Variants in CPOX observed in about 807,000 individuals in gnomAD.
The protein encoded by CPOX is oxygen-dependent coproporphyrinogen-III oxidase, mitochondrial.
In CPOX, 24 loss-of-function variants were observed where a neutral mutation model predicts 48.9. The observed-to-expected ratio is 0.49, with a 90% confidence interval of 0.36 to 0.69. CPOX has a LOEUF of 0.69. Ranked by LOEUF, CPOX falls within the 30% of genes least tolerant of loss-of-function variation. The pLI, the probability that CPOX is intolerant of heterozygous loss-of-function variation, is 0.00. For synonymous variants in CPOX, 249 were observed against 234.6 expected (o/e 1.06, Z -0.56); for missense variants, 549 against 597.3 (o/e 0.92, Z 0.84).
the CPOX span, among the ~76,000 whole-genome samples, chr3:98,574,387 A>G: frequency 6.6e-6 from 1 of 152,148 alleles, no homozygotes; most frequent in East Asian, 1.9e-4. Context: ...GGGAGATACC[A>G]TATCTCCCAC....
chr3:98,588,124 T>A (rs1193103368), intron 4 of CPOX, among the ~76,000 whole-genome samples: 2 of 152,262 alleles, frequency 1.3e-5, no homozygotes, highest in Non-Finnish European at 2.9e-5. Flanking sequence ...TTTTCAAGAA[T>A]GCCAATTGGC....
chr3:98,592,082 C>T (rs1216636098), intron 1 of CPOX, among the ~76,000 whole-genome samples: 1 of 151,696 alleles, frequency 6.6e-6, no homozygotes. Flanking sequence ...AAAAAAGTAA[C>T]TTCTGAGGAT....
chr3:98,591,696 A>G (rs1707481333), intron 1 of CPOX, among the ~76,000 whole-genome samples: 1 of 152,178 alleles, frequency 6.6e-6, no homozygotes, highest in Admixed American at 6.5e-5. Context: ...CAGCCTTACT[A>G]ATTTTTTTTC....
chr3:98,581,310 A>C, intron 6 of CPOX, 97 bp downstream of exon 6: 1 of 893,314 alleles, frequency 1.1e-6, no homozygotes, highest in Non-Finnish European at 1.9e-6. Context: ...ACTAACAAAG[A>C]CCTAGGCACA....
intron 6 of CPOX, 144 bp from the exon 7 acceptor site, chr3:98,580,914 C>A: frequency 1.1e-6 from 1 of 943,298 alleles, no homozygotes; most frequent in South Asian, 1.6e-5. Flanking sequence ...CCTGATGTGC[C>A]TTGTACCAAC....
chr3:98,577,823 C>G (rs1004891263), downstream of CPOX, among the ~76,000 whole-genome samples: 1 of 152,198 alleles, frequency 6.6e-6, no homozygotes, highest in Non-Finnish European at 1.5e-5. Flanking sequence ...TACAGACATG[C>G]AAGTCAAAAA....
rs753030473 is a variant in CPOX at position 98,588,862 on chromosome 3, A to C, written c.812-8T>G. 6.2e-7 allele frequency: 1 copy of C among 1,614,176 alleles called. No homozygotes were observed. Among genetic ancestry groups the C allele is most frequent in the African/African-American group, 1.3e-5 (1 of 75,038 alleles). ...ACCACCACTGCTTGTTGCCTACCAA[A>C]TCAAGACATGGGATTCTAATGTGGA... is the stretch of plus-strand genomic sequence containing the variant. On this transcript the variant is annotated splice_polypyrimidine_tract_variant and splice_region_variant and intron_variant, in intron 3 of 6. Coordinates refer to ENST00000647941, the MANE Select transcript of CPOX (RefSeq NM_000097.7).
chr3:98,583,351 C>T (rs1707296920), intron 5 of CPOX, among the ~76,000 whole-genome samples: 1 of 152,124 alleles, frequency 6.6e-6, no homozygotes, highest in Admixed American at 6.5e-5. Context: ...ATAATTCAGT[C>T]TCTCTGCAGA....
At chr3:98,572,672 T>C in the CPOX span, among the ~76,000 whole-genome samples, 47 of 152,218 alleles carry the variant, frequency 3.1e-4, no homozygotes, top group Non-Finnish European at 5.0e-4. Flanking sequence ...TCCATTTCTT[T>C]AGACAGTGTC....
chr3:98,578,127 T>C, downstream of CPOX: 1 of 362,508 alleles, frequency 2.8e-6, no homozygotes, highest in Non-Finnish European at 3.8e-6. Flanking sequence ...CACTGTGGTC[T>C]TCAGGTAGAC....
At chr3:98,590,456 T>G in intron 3 of CPOX, 176 bp downstream of exon 3, 1 of 666,986 alleles carries the variant, frequency 1.5e-6, no homozygotes. Flanking sequence ...GCCCCATTCT[T>G]ACTTGTCATG....
downstream of CPOX, among the ~76,000 whole-genome samples, chr3:98,576,053 CA>C (rs1339528261): frequency 1.8e-4 from 15 of 83,886 alleles, no homozygotes; most frequent in African/African-American, 7.0e-4. Context: ...GCCTGGGCAA[CA>C]AGAGTGAAAC....
intron 5 of CPOX, among the ~76,000 whole-genome samples, chr3:98,582,542 G>C (rs1398137260): frequency 6.6e-6 from 1 of 151,390 alleles, no homozygotes; most frequent in African/African-American, 2.4e-5. Context: ...GCCCAGGCTG[G>C]AGTGCAGTGG....
chr3:98,591,086 A>G lies in CPOX; in HGVS notation c.626T>C (p.Val209Ala). Reference sequence around the variant, plus strand: ...TTCCTCTGAAAGATTTCCATGAACAACAGAAATGCTCACCCCAGCCTTTTC... The same window carrying G: ...TTCCTCTGAAAGATTTCCATGAACAGCAGAAATGCTCACCCCAGCCTTTTC... ...VFEKAGVSIS[V>A]VHGNLSEEAA... Residue 209 changes from valine to alanine, a missense_variant, in exon 2 of 7, where the codon GTT becomes GCT. This residue lies in a region of CPOX where 336 missense variants were observed against 318.1 expected (regional missense o/e 1.06). Coordinates refer to ENST00000647941, the MANE Select transcript of CPOX (RefSeq NM_000097.7). 6.2e-7 allele frequency: 1 copy of G among 1,614,104 alleles called. No individual in the cohort carries two copies. The highest frequency in any genetic ancestry group is 1.1e-5 in the South Asian group (1 of 91,078).
intron 4 of CPOX, among the ~76,000 whole-genome samples, chr3:98,588,339 A>T (rs1268131438): frequency 6.6e-6 from 1 of 152,182 alleles, no homozygotes; most frequent in Non-Finnish European, 1.5e-5. Context: ...GTGGTTCTCC[A>T]ACCCTTCCAA....
chr3:98,577,983 A>C (rs1173982030), downstream of CPOX, among the ~76,000 whole-genome samples: 1 of 152,228 alleles, frequency 6.6e-6, no homozygotes, highest in Non-Finnish European at 1.5e-5. Context: ...GAGGGTCAGC[A>C]GAGTACAGTG....
chr3:98,588,278 A>G (rs1559677482), intron 4 of CPOX, among the ~76,000 whole-genome samples: 1 of 152,104 alleles, frequency 6.6e-6, no homozygotes, highest in Non-Finnish European at 1.5e-5. Flanking sequence ...AAATTCTCCA[A>G]TTCTTCTTTC....
chr3:98,582,374 T>C (rs13062493), intron 5 of CPOX, among the ~76,000 whole-genome samples: 1 of 152,248 alleles, frequency 6.6e-6, no homozygotes, highest in Non-Finnish European at 1.5e-5. Context: ...TCTTATCTTA[T>C]TCAGAAATTA....
Position 98,584,539 on chromosome 3 carries a change from T to C in CPOX, c.1172+902A>G, listed in dbSNP as rs141125369. ...CTTTAGACTGGAAACATTATTTAAGTTGACCTCTTTAAGGCAAAAGCTTTA... is the reference window on the plus strand; with the variant it reads ...CTTTAGACTGGAAACATTATTTAAGCTGACCTCTTTAAGGCAAAAGCTTTA... On this transcript the variant is annotated intron_variant, in intron 5 of 6. Coordinates refer to ENST00000647941, the MANE Select transcript of CPOX (RefSeq NM_000097.7). 2.1e-3 allele frequency among the ~76,000 whole-genome samples: 326 copies of C among 152,314 alleles called. 2 individuals are homozygous for C. The highest frequency in any genetic ancestry group is 6.8e-3 in the Middle Eastern group (2 of 294).
Sources: allele counts gnomAD v4.1 joint callset (sites outside exome capture counted in the v4.1 genomes callset), GRCh38; gene constraint gnomAD v4.1.1; regional missense constraint gnomAD v4.1.1; transcripts MANE v1.5; gene names NCBI Gene and HGNC (gene_info 2026-07-23, HGNC 2026-07-21).